The following PTPRO variants were observed in gnomAD, a reference collection of about 807,000 sequenced individuals.
The protein encoded by PTPRO is protein tyrosine phosphatase receptor type O.
A neutral mutation model predicts 145.2 loss-of-function variants in PTPRO; 62 were observed. The ratio of observed to expected loss-of-function variants is 0.43; its 90% CI spans 0.35 to 0.53. The LOEUF is 0.53. Among genes scored for constraint, PTPRO ranks in the 20% least tolerant of loss-of-function variants. PTPRO has a pLI of 0.01. For synonymous variants in PTPRO, 565 were observed against 514.7 expected (o/e 1.10, Z -1.32); for missense variants, 1,345 against 1,482.7 (o/e 0.91, Z 1.53).
chr12:15,330,046 G>C (rs1292526927), intron 1 of PTPRO, among the ~76,000 whole-genome samples: 1 of 152,204 alleles, frequency 6.6e-6, no homozygotes, highest in Admixed American at 6.5e-5. Flanking sequence ...ACTTCTACAT[G>C]CTGAGCCAGA....
At chr12:15,347,765 G>A (rs1867277210) in intron 1 of PTPRO, among the ~76,000 whole-genome samples, 1 of 152,170 alleles carries the variant, frequency 6.6e-6, no homozygotes, top group Non-Finnish European at 1.5e-5. Context: ...TAAATTGGAG[G>A]TCATAGAAAA....
intron 1 of PTPRO, among the ~76,000 whole-genome samples, chr12:15,468,224 C>T (rs780994143): frequency 1.3e-5 from 2 of 152,088 alleles, no homozygotes; most frequent in Non-Finnish European, 2.9e-5. Context: ...TAAAACTTTC[C>T]ACCCCCAATA....
intron 1 of PTPRO, among the ~76,000 whole-genome samples, chr12:15,339,318 G>A (rs1866888895): frequency 6.6e-6 from 1 of 152,148 alleles, no homozygotes; most frequent in South Asian, 2.1e-4. Flanking sequence ...ACAGATTCAG[G>A]TCCTGAGGAG....
intron 1 of PTPRO, among the ~76,000 whole-genome samples, chr12:15,330,375 T>C (rs894324535): frequency 1.2e-4 from 18 of 152,174 alleles, no homozygotes; most frequent in African/African-American, 4.1e-4. Context: ...ACCAACCCTC[T>C]TGCCTGGAAG....
intron 7 of PTPRO, 110 bp from the exon 8 acceptor site, chr12:15,515,388 T>C (rs751617390): frequency 4.9e-5 from 70 of 1,439,174 alleles, no homozygotes; most frequent in Non-Finnish European, 6.6e-5. Context: ...CCTTCTGGAT[T>C]TCAAAGTCAT....
chr12:15,526,525 G>A (rs1942842485), intron 12 of PTPRO, among the ~76,000 whole-genome samples: 2 of 152,160 alleles, frequency 1.3e-5, no homozygotes, highest in Admixed American at 1.3e-4. Context: ...GGATTTTGGA[G>A]ATGGAAGCAC....
chr12:15,425,988 C>T (rs893230400), intron 1 of PTPRO, among the ~76,000 whole-genome samples: 2 of 151,492 alleles, frequency 1.3e-5, no homozygotes, highest in African/African-American at 2.4e-5. Context: ...ACTTGGGATG[C>T]AATATACTTA....
At chr12:15,533,183 T>G (rs1419244022) in intron 12 of PTPRO, among the ~76,000 whole-genome samples, 1 of 152,184 alleles carries the variant, frequency 6.6e-6, no homozygotes, top group East Asian at 1.9e-4. Flanking sequence ...GAATGGACTA[T>G]GTAAACCAGC....
intron 2 of PTPRO, among the ~76,000 whole-genome samples, chr12:15,485,681 C>T (rs892069903): frequency 1.3e-5 from 2 of 152,152 alleles, no homozygotes; most frequent in African/African-American, 4.8e-5. Flanking sequence ...TCATCAGTTG[C>T]AGCTGAATGA....
intron 1 of PTPRO, among the ~76,000 whole-genome samples, chr12:15,415,225 TC>T (rs996624597): frequency 6.6e-6 from 1 of 151,368 alleles, no homozygotes; most frequent in Non-Finnish European, 1.5e-5. Context: ...TCCAGCTACC[TC>T]CCCCCCAAAA....
chr12:15,422,924 T>C (rs752958070), intron 1 of PTPRO, among the ~76,000 whole-genome samples: 1 of 152,200 alleles, frequency 6.6e-6, no homozygotes, highest in Admixed American at 6.5e-5. Context: ...GATTGTCACA[T>C]CTATCAATTT....
intron 1 of PTPRO, among the ~76,000 whole-genome samples, chr12:15,360,037 A>G (rs1938126289): frequency 6.6e-6 from 1 of 152,146 alleles, no homozygotes; most frequent in South Asian, 2.1e-4. Context: ...CTTTCAAGCC[A>G]CCATTTAAAA....
chr12:15,405,197 A>G (rs6488773), intron 1 of PTPRO, among the ~76,000 whole-genome samples: 3,276 of 152,296 alleles, frequency 0.022, 127 homozygotes, highest in African/African-American at 0.074. Flanking sequence ...TTCTATGCAT[A>G]TGTTTAAGGG....
chr12:15,449,060 C>T (rs566035891), intron 1 of PTPRO, among the ~76,000 whole-genome samples: 1 of 151,482 alleles, frequency 6.6e-6, no homozygotes, highest in Non-Finnish European at 1.5e-5. Flanking sequence ...AGGGCATCCC[C>T]CAGAATCACA....
At chr12:15,587,809 G>T (rs1217092728) in intron 24 of PTPRO, among the ~76,000 whole-genome samples, 5 of 152,204 alleles carry the variant, frequency 3.3e-5, no homozygotes, top group Admixed American at 2.6e-4. Context: ...CAAGTGAGAG[G>T]TGGCAGTGGG....
At chr12:15,532,627 C>A (rs1249845211) in intron 12 of PTPRO, among the ~76,000 whole-genome samples, 1 of 152,194 alleles carries the variant, frequency 6.6e-6, no homozygotes, top group Non-Finnish European at 1.5e-5. Context: ...ACCTTTCCTG[C>A]ACTGAAGGCA....
At chr12:15,534,856 A>G (rs1168329943) in intron 12 of PTPRO, among the ~76,000 whole-genome samples, 1 of 152,254 alleles carries the variant, frequency 6.6e-6, no homozygotes, top group Non-Finnish European at 1.5e-5. Context: ...GGAACTAATT[A>G]AGGGGCTATT....
chr12:15,565,743 A>G (rs1943882517), intron 18 of PTPRO, 115 bp downstream of exon 18: 1 of 756,608 alleles, frequency 1.3e-6, no homozygotes, highest in Non-Finnish European at 2.3e-6. Context: ...AGGCAAATGC[A>G]TATTACAATA....
At chr12:15,574,525 T>G (rs1036407903) in intron 19 of PTPRO, among the ~76,000 whole-genome samples, 2 of 152,240 alleles carry the variant, frequency 1.3e-5, no homozygotes, top group Non-Finnish European at 1.5e-5. Context: ...GAACTGGCCA[T>G]GCAGTTCACA....
Sources: allele counts gnomAD v4.1 joint callset (sites outside exome capture counted in the v4.1 genomes callset), GRCh38; gene constraint gnomAD v4.1.1; transcripts MANE v1.5; gene names NCBI Gene and HGNC (gene_info 2026-07-23, HGNC 2026-07-21).